Variants in TDRD12 observed in about 807,000 individuals in gnomAD.
TDRD12 encodes the protein putative ATP-dependent RNA helicase TDRD12.
TDRD12 carries 158 observed loss-of-function variants against 133.5 expected under a neutral mutation model. The observed-to-expected ratio is 1.18, with a 90% CI of 1.04 to 1.35. The LOEUF is 1.35. Among genes scored for constraint, TDRD12 ranks in the 40% most tolerant of loss-of-function variants. The pLI is 0.00. For synonymous variants in TDRD12, 460 were observed against 477.9 expected (o/e 0.96, Z 0.49); for missense variants, 1,443 against 1,321.3 (o/e 1.09, Z -1.43).
intron 8 of TDRD12, among the ~76,000 whole-genome samples, chr19:32,760,845 T>G (rs757947344): frequency 6.6e-6 from 1 of 152,206 alleles, no homozygotes; most frequent in Non-Finnish European, 1.5e-5. Context: ...TTTACAATAA[T>G]CACAAACTTA....
rs1448810235 is a variant in TDRD12, at chr19:32,749,775, G to A, written c.497-9G>A. 1 of 1,538,716 alleles carries A rather than the reference G, an allele frequency of 6.5e-7. No individual in the cohort carries two copies. Among genetic ancestry groups the A allele is most frequent in the African/African-American group, 1.4e-5 (1 of 72,564 alleles). On this transcript the variant is annotated splice_polypyrimidine_tract_variant and intron_variant, in intron 5 of 27. Transcript: ENST00000444215. ...TCAGCTGATTTGTGTTTTCATTTAT[G>A]CTATTTAGCAACTACCCAGGTGGAA...
intron 1 of TDRD12, among the ~76,000 whole-genome samples, chr19:32,728,371 T>C (rs1968924233): frequency 6.6e-6 from 1 of 152,220 alleles, no homozygotes; most frequent in Admixed American, 6.5e-5. Context: ...CTTAATGATA[T>C]TAAATCTTCC....
intron 7 of TDRD12, 117 bp from the exon 8 acceptor site, chr19:32,756,921 C>G (rs1455140619): frequency 7.6e-6 from 6 of 786,344 alleles, no homozygotes; most frequent in Non-Finnish European, 1.3e-5. Flanking sequence ...GTCCCCTAGT[C>G]AGGTTTCCTG....
intron 8 of TDRD12, 30 bp from the exon 9 acceptor site, chr19:32,772,723 A>G: frequency 7.5e-7 from 1 of 1,340,824 alleles, no homozygotes; most frequent in Non-Finnish European, 1.0e-6. Context: ...TTTTTGGTGT[A>G]GCTTTTTTAT....
intron 1 of TDRD12, among the ~76,000 whole-genome samples, chr19:32,723,973 C>T (rs1968776466): frequency 6.6e-6 from 1 of 151,930 alleles, no homozygotes; most frequent in Non-Finnish European, 1.5e-5. Flanking sequence ...GCCTCCTGCC[C>T]CAGCCTCCTG....
Position 32,790,516 on chromosome 19 carries a change from T to C in TDRD12, c.1122-15T>C. 6.5e-7 allele frequency: 1 copy of C among 1,549,776 alleles called. No individual in the cohort carries two copies. Among genetic ancestry groups the C allele is most frequent in the Non-Finnish European group, 8.7e-7 (1 of 1,146,138 alleles). On this transcript the variant is annotated splice_polypyrimidine_tract_variant and intron_variant, in intron 11 of 27. Coordinates refer to ENST00000444215, the Ensembl canonical transcript of TDRD12. ...ACACCTTTTTCTTCACATTCTTCTT[T>C]TAACTATCTTACAGATTACTGCAGT...
chr19:32,739,635 GCTCT>G, intron 3 of TDRD12, among the ~76,000 whole-genome samples: 1 of 133,822 alleles, frequency 7.5e-6, no homozygotes, highest in African/African-American at 2.9e-5. Flanking sequence ...TCTCCTGGGT[GCTCT>G]CTGCATCTCC....
intron 8 of TDRD12, among the ~76,000 whole-genome samples, chr19:32,761,744 C>T (rs1034317648): frequency 6.6e-6 from 1 of 152,008 alleles, no homozygotes; most frequent in African/African-American, 2.4e-5. Flanking sequence ...GGCTGGAGTG[C>T]AGTGGTGTGA....
intron 25 of TDRD12, among the ~76,000 whole-genome samples, chr19:32,815,041 C>G (rs1168478362): frequency 6.6e-6 from 1 of 152,242 alleles, no homozygotes; most frequent in Non-Finnish European, 1.5e-5. Context: ...GAACAGGATT[C>G]AGGTCCTTGG....
intron 2 of TDRD12, among the ~76,000 whole-genome samples, chr19:32,734,358 CCTT>C (rs1229660506): frequency 2.6e-5 from 4 of 151,382 alleles, no homozygotes; most frequent in African/African-American, 9.7e-5. Context: ...TCCTCCTCCT[CCTT>C]TTCTTTTCTT....
At position 32,794,590 on chromosome 19, in the gene TDRD12, C is replaced by T. The variant is rs1358946490; in HGVS notation, c.1288-38C>T. On this transcript the variant is annotated intron_variant, in intron 13 of 27. Coordinates refer to ENST00000444215, the Ensembl canonical transcript of TDRD12. ...GCAATGGAGTTTTTGTTAGTTTTCT[C>T]TACCTTATTTTGGTTTCTGGTTGTT... The T allele has an allele frequency of 4.3e-6, 3 of 691,972 alleles. No homozygotes were observed. The Admixed American group carries it at 6.2e-5, about 14-fold the overall frequency. The allele number at this position is 691,972 out of a possible 1,614,324, so 42.9% of individuals were successfully genotyped here.
chr19:32,792,767 C>A (rs537991917), intron 13 of TDRD12, among the ~76,000 whole-genome samples: 1 of 152,298 alleles, frequency 6.6e-6, no homozygotes, highest in African/African-American at 2.4e-5. Context: ...GATTCTGAAG[C>A]ATCTAAGTTG....
Position 32,813,575 on chromosome 19 carries a change from T to C in TDRD12, c.3049-109T>C, listed in dbSNP as rs1253463107. On this transcript the variant is annotated intron_variant, in intron 24 of 27. Transcript: ENST00000444215. Reference sequence around the variant, plus strand: ...GACCTCTGTGATCTCATAGCATTACTGTGAGGCTCAAATGAAATGCATGGA... The same window carrying C: ...GACCTCTGTGATCTCATAGCATTACCGTGAGGCTCAAATGAAATGCATGGA... 4 of 633,834 alleles carry C rather than the reference T, an allele frequency of 6.3e-6. No homozygotes were observed. In the East Asian group the frequency reaches 1.1e-4, roughly 18 times the overall value. The allele number at this position is 633,834 out of a possible 1,614,324, so 39.3% of individuals were successfully genotyped here. A position where few individuals can be genotyped will look rare whatever the true frequency, so the allele number is the denominator to read the frequency against.
exon 24 of TDRD12, chr19:32,811,387 A>C (rs974192629): frequency 1.3e-6 from 2 of 1,535,978 alleles, no homozygotes; most frequent in Non-Finnish European, 1.7e-6. Context: ...GTAGGGTGAA[A>C]CCTGCTGACA....
chr19:32,759,934 G>C (rs929097807), intron 8 of TDRD12, among the ~76,000 whole-genome samples: 1 of 152,236 alleles, frequency 6.6e-6, no homozygotes, highest in African/African-American at 2.4e-5. Flanking sequence ...CGCCTGGCCT[G>C]TGGCAGCCTC....
At chr19:32,817,894 C>T (rs1967236137) in intron 26 of TDRD12, among the ~76,000 whole-genome samples, 195 bp from the exon 27 acceptor site, 1 of 138,568 alleles carries the variant, frequency 7.2e-6, no homozygotes, top group African/African-American at 2.8e-5. Context: ...TTGCTCTCTG[C>T]GTCTCCTCTG....
chr19:32,732,012 GTT>G, intron 2 of TDRD12, 129 bp downstream of exon 2: 1 of 921,738 alleles, frequency 1.1e-6, no homozygotes, highest in Non-Finnish European at 1.5e-6. Context: ...CTTGTGTTAG[GTT>G]TTTTTTTGAG....
At chr19:32,789,631 T>C (rs1276518088) in intron 11 of TDRD12, among the ~76,000 whole-genome samples, 2 of 152,248 alleles carry the variant, frequency 1.3e-5, no homozygotes, top group Non-Finnish European at 2.9e-5. Flanking sequence ...TATATTCCAT[T>C]GCGTGCATGG....
intron 8 of TDRD12, among the ~76,000 whole-genome samples, chr19:32,770,772 A>G (rs34180354): frequency 6.6e-6 from 1 of 152,236 alleles, no homozygotes; most frequent in South Asian, 2.1e-4. Context: ...ATGGAATTCA[A>G]TAACGCACAT....
Sources: gnomAD v4.1 joint callset for allele counts (sites outside exome capture counted in the v4.1 genomes callset) on GRCh38, gnomAD v4.1.1 for gene constraint, MANE v1.5 for transcripts, NCBI Gene and HGNC (gene_info 2026-07-23, HGNC 2026-07-21) for gene names.